The following PPP1R9A variants were observed in gnomAD, a reference collection of about 807,000 sequenced individuals.
The protein encoded by PPP1R9A is protein phosphatase 1 regulatory subunit 9A.
Under a neutral mutation model 141.9 loss-of-function variants are expected in PPP1R9A, and 59 were observed. That is an observed-to-expected ratio of 0.42 (90% CI 0.34 to 0.52). PPP1R9A has a LOEUF of 0.52. PPP1R9A is among the 20% of genes least tolerant of loss of function. The pLI is 0.10. For missense variants in PPP1R9A, 1,444 were observed against 1,611.9 expected (o/e 0.90, Z 1.78); for synonymous variants, 500 against 569.7 (o/e 0.88, Z 1.74).
chr7:95,190,431 G>C (rs1244172026), intron 5 of PPP1R9A, among the ~76,000 whole-genome samples: 1 of 152,198 alleles, frequency 6.6e-6, no homozygotes, highest in Admixed American at 6.5e-5. Context: ...GAGTTGGCAG[G>C]GCTGTGAAAT....
At chr7:95,081,884 C>A (rs1453843330) in intron 2 of PPP1R9A, among the ~76,000 whole-genome samples, 1 of 152,144 alleles carries the variant, frequency 6.6e-6, no homozygotes, top group Non-Finnish European at 1.5e-5. Context: ...TTACCTTCTC[C>A]CCTGCCCCCA....
At chr7:95,103,359 C>CTTTT (rs1819046251) in intron 2 of PPP1R9A, among the ~76,000 whole-genome samples, 1 of 76,354 alleles carries the variant, frequency 1.3e-5, no homozygotes, top group African/African-American at 5.5e-5. Context: ...TTTTTTTTCA[C>CTTTT]TTCTTTTTTT....
At chr7:95,058,997 C>T (rs528927923) in intron 2 of PPP1R9A, among the ~76,000 whole-genome samples, 2 of 152,004 alleles carry the variant, frequency 1.3e-5, no homozygotes, top group Non-Finnish European at 2.9e-5. Context: ...ACCATGGTGG[C>T]CAGGCTGGTC....
intron 2 of PPP1R9A, among the ~76,000 whole-genome samples, chr7:95,010,436 C>T (rs532538868): frequency 7.9e-5 from 12 of 152,196 alleles, no homozygotes; most frequent in African/African-American, 2.9e-4. Context: ...AAAATAGCTT[C>T]CTTTAAATGC....
chr7:95,067,608 A>G (rs1227363706), intron 2 of PPP1R9A, among the ~76,000 whole-genome samples: 1 of 152,204 alleles, frequency 6.6e-6, no homozygotes, highest in African/African-American at 2.4e-5. Context: ...TATGATAATA[A>G]TAACACAGTC....
intron 2 of PPP1R9A, among the ~76,000 whole-genome samples, chr7:95,066,788 T>C (rs1813009685): frequency 6.6e-6 from 1 of 152,128 alleles, no homozygotes; most frequent in Non-Finnish European, 1.5e-5. Flanking sequence ...AGTGAAATTA[T>C]CAAGCAAGTA....
At chr7:95,232,375 G>C (rs1796082427) in intron 8 of PPP1R9A, among the ~76,000 whole-genome samples, 1 of 152,114 alleles carries the variant, frequency 6.6e-6, no homozygotes, top group Admixed American at 6.6e-5. Context: ...ATTATTTCAA[G>C]ATGGATTAAA....
intron 2 of PPP1R9A, among the ~76,000 whole-genome samples, chr7:94,961,190 A>T (rs182085816): frequency 2.5e-3 from 333 of 132,100 alleles, no homozygotes; most frequent in Non-Finnish European, 2.8e-3. Flanking sequence ...ACTGGTTAAT[A>T]AAAAAAACAA....
At chr7:95,151,332 A>G (rs539504643) in intron 4 of PPP1R9A, among the ~76,000 whole-genome samples, 2 of 152,376 alleles carry the variant, frequency 1.3e-5, no homozygotes, top group African/African-American at 4.8e-5. Context: ...AAGACATGGA[A>G]GAATGCATAT....
chr7:95,161,814 A>G (rs1471550023), intron 4 of PPP1R9A, 53 bp from the exon 5 acceptor site: 3 of 1,195,254 alleles, frequency 2.5e-6, no homozygotes, highest in Admixed American at 2.3e-5. Flanking sequence ...TGATTATTAC[A>G]TAAATTAATT....
rs1804264523 is a variant in PPP1R9A, at chr7:95,281,715, G to A, written c.3297-2303G>A. ...ATTTTGTCCCTATTTGCTTTTAAAG[G>A]TAATAGTGATTGTTCTAAAAGCATT... On this transcript the variant is annotated intron_variant, in intron 16 of 19. Transcript: ENST00000433360. Among the ~76,000 whole-genome samples, 3 of 152,264 alleles carry A rather than the reference G, an allele frequency of 2.0e-5. No homozygotes were observed. In the South Asian group the frequency reaches 6.2e-4, roughly 32 times the overall value.
chr7:95,256,902 A>G (rs1799666168), intron 12 of PPP1R9A, among the ~76,000 whole-genome samples: 1 of 152,170 alleles, frequency 6.6e-6, no homozygotes, highest in African/African-American at 2.4e-5. Context: ...AAAAGATCTC[A>G]AGACCCATGG....
At chr7:95,208,830 A>C (rs1791428753) in intron 7 of PPP1R9A, among the ~76,000 whole-genome samples, 1 of 152,084 alleles carries the variant, frequency 6.6e-6, no homozygotes, top group Non-Finnish European at 1.5e-5. Context: ...CTTTTAAGAC[A>C]GTGAAAAGAT....
In PPP1R9A at chr7:94,910,077, T is replaced by A; in HGVS notation, c.-37T>A. 1 of 1,550,012 alleles carries A rather than the reference T, an allele frequency of 6.5e-7. No individual in the cohort carries two copies. The highest frequency in any genetic ancestry group is 8.7e-7 in the Non-Finnish European group (1 of 1,150,864). On this transcript the variant is annotated 5_prime_UTR_variant, in exon 2 of 20. Transcript: ENST00000433360. This position sits in a 1 kb window ranked among gnomAD's most constrained non-coding sequence, Gnocchi z 4.5. Reference sequence around the variant, plus strand: ...CTTGGTTTTTGGTTTTTTTCTTTGATCATTATGAACATTGGCTTTTCACCC... The same window carrying A: ...CTTGGTTTTTGGTTTTTTTCTTTGAACATTATGAACATTGGCTTTTCACCC...
At chr7:95,256,310 T>C (rs1014928671) in intron 12 of PPP1R9A, among the ~76,000 whole-genome samples, 10 of 152,074 alleles carry the variant, frequency 6.6e-5, no homozygotes, top group African/African-American at 2.4e-4. Context: ...CAACACAAAA[T>C]TGTTTTAACA....
At chr7:95,273,602 A>G (rs1449800322) in intron 14 of PPP1R9A, among the ~76,000 whole-genome samples, 1 of 152,198 alleles carries the variant, frequency 6.6e-6, no homozygotes. Context: ...GTTGGTCCCT[A>G]CTTCGAATGC....
chr7:94,985,394 C>T (rs1011434278), intron 2 of PPP1R9A, among the ~76,000 whole-genome samples: 1 of 152,100 alleles, frequency 6.6e-6, no homozygotes, highest in African/African-American at 2.4e-5. Flanking sequence ...CCTTCCGTCT[C>T]GTTGATCTGT....
intron 2 of PPP1R9A, among the ~76,000 whole-genome samples, chr7:94,972,617 C>T (rs1490316892): frequency 1.3e-5 from 2 of 152,122 alleles, no homozygotes; most frequent in Non-Finnish European, 2.9e-5. Flanking sequence ...CTAACTTATT[C>T]CAGCTGTGTT....
chr7:95,150,362 G>C (rs1472714029), intron 4 of PPP1R9A, among the ~76,000 whole-genome samples: 1 of 152,164 alleles, frequency 6.6e-6, no homozygotes, highest in Non-Finnish European at 1.5e-5. Flanking sequence ...GAGTGCCGTG[G>C]CACAATCTCG....
Sources: gnomAD v4.1 joint callset for allele counts (sites outside exome capture counted in the v4.1 genomes callset) on GRCh38, gnomAD v4.1.1 for gene constraint, Gnocchi (gnomAD v3.1) non-coding constraint, MANE v1.5 for transcripts, NCBI Gene and HGNC (gene_info 2026-07-23, HGNC 2026-07-21) for gene names.